ARHGAP18: variants seen among roughly 807,000 people sequenced by gnomAD.
The protein encoded by ARHGAP18 is rho GTPase-activating protein 18.
A neutral mutation model predicts 86.2 loss-of-function variants in ARHGAP18; 67 were observed. The observed-to-expected ratio is 0.78, with a 90% CI of 0.64 to 0.95. ARHGAP18 has a LOEUF of 0.95. ARHGAP18 is among the 40% of genes least tolerant of loss of function. The pLI, the probability that ARHGAP18 is intolerant of heterozygous loss-of-function variation, is 0.00. For missense variants in ARHGAP18, 691 were observed against 780.4 expected (o/e 0.89, Z 1.37); for synonymous variants, 283 against 280.4 (o/e 1.01, Z -0.09).
In ARHGAP18 at chr6:129,577,379, T is replaced by TA. The variant is rs1562672839; in HGVS notation, c.*1133dup. On this transcript the variant is annotated 3_prime_UTR_variant, in exon 15 of 15. Coordinates refer to ENST00000368149, the MANE Select transcript of ARHGAP18 (RefSeq NM_033515.3). Reference sequence around the variant, plus strand: ...TTTTATTTACTATATTCTAAACTCATAAAATATTTAACATTTCTCTACTTC... The same window carrying TA: ...TTTTATTTACTATATTCTAAACTCATAAAAATATTTAACATTTCTCTACTTC... The TA allele has an allele frequency of 1.3e-5, 2 of 152,172 alleles. No homozygotes were observed. Among genetic ancestry groups the TA allele is most frequent in the Admixed American group, 1.3e-4 (2 of 15,268 alleles). The allele number at this position is 152,172 out of a possible 1,614,324, so 9.4% of individuals were successfully genotyped here.
Position 129,584,114 on chromosome 6 carries a change from T to C in ARHGAP18, c.1714-2A>G. The C allele has an allele frequency of 1.2e-6, 2 of 1,613,396 alleles. No homozygotes were observed. The highest frequency in any genetic ancestry group is 1.7e-6 in the Non-Finnish European group (2 of 1,179,568). On this transcript the variant is annotated splice_acceptor_variant, in intron 12 of 14. Coordinates refer to ENST00000368149, the MANE Select transcript of ARHGAP18 (RefSeq NM_033515.3). LOFTEE classifies it high-confidence loss of function. Reference sequence around the variant, plus strand: ...AATCACTCCCTGAGGAACGTCAGCCTGCAAAGCAATAATGACACTGGAACA... The same window carrying C: ...AATCACTCCCTGAGGAACGTCAGCCCGCAAAGCAATAATGACACTGGAACA...
At chr6:129,583,939 G>C in intron 13 of ARHGAP18, 49 bp downstream of exon 13, 21 of 1,571,852 alleles carry the variant, frequency 1.3e-5, no homozygotes, top group Non-Finnish European at 1.6e-5. Flanking sequence ...GAGAGAGAGA[G>C]AGCAAGTGAC....
rs1251117009 is a variant in ARHGAP18, at chr6:129,641,700, G to A, written c.316+116C>T. 1.9e-5 allele frequency: 18 copies of A among 927,158 alleles called. No individual in the cohort carries two copies. The East Asian group carries it at 4.2e-4, about 22-fold the overall frequency. The allele number at this position is 927,158 out of a possible 1,614,324, so 57.4% of individuals were successfully genotyped here. ...CAAGTATTTTTCAAGTTGAAAGGCA[G>A]TATCTTTTTTTGGTGGTCCTAGCTT... On this transcript the variant is annotated intron_variant, in intron 2 of 14. Transcript: ENST00000368149.
chr6:129,637,345 G>A (rs145604655), intron 3 of ARHGAP18, among the ~76,000 whole-genome samples: 42 of 152,192 alleles, frequency 2.8e-4, no homozygotes, highest in African/African-American at 9.9e-4. Context: ...ACCACACCCA[G>A]CCTCTCAAAC....
chr6:129,578,709 C>T (rs1788229205), intron 14 of ARHGAP18, 105 bp from the exon 15 acceptor site: 3 of 919,858 alleles, frequency 3.3e-6, no homozygotes, highest in Non-Finnish European at 4.8e-6. Context: ...CTTCAAAATA[C>T]TTATTCTACT....
At chr6:129,696,140 A>T (rs1774613179) in intron 1 of ARHGAP18, among the ~76,000 whole-genome samples, 1 of 152,192 alleles carries the variant, frequency 6.6e-6, no homozygotes, top group Non-Finnish European at 1.5e-5. Context: ...AGCCTCTGGG[A>T]TGTTTTTCAC....
At chr6:129,621,762 GATA>G (rs971189577) in intron 5 of ARHGAP18, among the ~76,000 whole-genome samples, 23 of 152,044 alleles carry the variant, frequency 1.5e-4, no homozygotes, top group East Asian at 5.8e-4. Context: ...AGAAAAAAAT[GATA>G]ATAATAATTA....
At chr6:129,632,251 T>C (rs1430786845) in intron 4 of ARHGAP18, among the ~76,000 whole-genome samples, 2 of 152,214 alleles carry the variant, frequency 1.3e-5, no homozygotes, top group Non-Finnish European at 2.9e-5. Flanking sequence ...TTGGATGGCA[T>C]CACACATTCT....
chr6:129,634,343 G>T (rs886133257), intron 3 of ARHGAP18, among the ~76,000 whole-genome samples: 1 of 152,102 alleles, frequency 6.6e-6, no homozygotes, highest in African/African-American at 2.4e-5. Flanking sequence ...AAAAAGTCAC[G>T]AGTGGGTCCC....
intron 1 of ARHGAP18, among the ~76,000 whole-genome samples, chr6:129,700,723 A>G (rs950954669): frequency 1.3e-5 from 2 of 152,196 alleles, no homozygotes; most frequent in African/African-American, 4.8e-5. Flanking sequence ...TGACTCAGTC[A>G]ATCCTTAAAA....
intron 5 of ARHGAP18, among the ~76,000 whole-genome samples, chr6:129,625,381 T>C (rs1364834149): frequency 1.2e-5 from 1 of 83,684 alleles, no homozygotes; most frequent in East Asian, 3.8e-4. Context: ...ATATATTATA[T>C]ATTATATATT....
At chr6:129,638,902 C>T (rs1404944935) in intron 2 of ARHGAP18, among the ~76,000 whole-genome samples, 1 of 152,206 alleles carries the variant, frequency 6.6e-6, no homozygotes, top group Non-Finnish European at 1.5e-5. Context: ...GAGGATGATA[C>T]TGTTCCCCTT....
At position 129,608,061 on chromosome 6, in the gene ARHGAP18, CACGAAAAAA is replaced by C; in HGVS notation, c.1123-18_1123-10del. The C allele has an allele frequency of 1.4e-6, 1 of 704,478 alleles. No homozygotes were observed. Among genetic ancestry groups the C allele is most frequent in the South Asian group, 2.8e-5 (1 of 36,342 alleles). 43.6% of individuals were successfully genotyped at this position (704,478 alleles called of 1,614,324 possible). A position where few individuals can be genotyped will look rare whatever the true frequency, so the allele number is the denominator to read the frequency against. ...AGTTCTTGGCAAAGATTCTGATAGG[CACGAAAAAA>C]AAAAAAAAAAAAAAAAGAAGCAGCT... On this transcript the variant is annotated splice_polypyrimidine_tract_variant and intron_variant, in intron 8 of 14. Transcript: ENST00000368149.
chr6:129,701,349 A>G (rs564866965), intron 1 of ARHGAP18, among the ~76,000 whole-genome samples: 13 of 152,368 alleles, frequency 8.5e-5, no homozygotes, highest in Admixed American at 8.5e-4. Flanking sequence ...TCCTTTGTCC[A>G]GGAATCTCAC....
intron 12 of ARHGAP18, among the ~76,000 whole-genome samples, chr6:129,590,099 C>T (rs1465309834): frequency 6.6e-6 from 1 of 152,206 alleles, no homozygotes; most frequent in African/African-American, 2.4e-5. Context: ...AGATGGTGCC[C>T]ACCAAGCCTC....
At chr6:129,652,322 G>T (rs1562711658) in intron 1 of ARHGAP18, among the ~76,000 whole-genome samples, 1 of 152,184 alleles carries the variant, frequency 6.6e-6, no homozygotes, top group Non-Finnish European at 1.5e-5. Context: ...CAGAGGTAGT[G>T]ATCACATCTA....
intron 1 of ARHGAP18, among the ~76,000 whole-genome samples, chr6:129,704,955 G>C (rs990474461): frequency 2.0e-5 from 3 of 152,124 alleles, no homozygotes; most frequent in Admixed American, 6.5e-5. Context: ...CTGGGTGCTT[G>C]GTTTCAGACT....
At chr6:129,684,044 G>A (rs1284150562) in intron 1 of ARHGAP18, among the ~76,000 whole-genome samples, 1 of 152,180 alleles carries the variant, frequency 6.6e-6, no homozygotes, top group Non-Finnish European at 1.5e-5. Flanking sequence ...GTACAGATCT[G>A]AAAAATCTTG....
intron 7 of ARHGAP18, among the ~76,000 whole-genome samples, chr6:129,615,623 G>T (rs1319206267): frequency 6.6e-6 from 1 of 152,186 alleles, no homozygotes; most frequent in Non-Finnish European, 1.5e-5. Context: ...TCCTCACTGT[G>T]CATTCCCTAG....
Sources: allele counts gnomAD v4.1 joint callset (sites outside exome capture counted in the v4.1 genomes callset), GRCh38; gene constraint gnomAD v4.1.1; transcripts MANE v1.5; gene names NCBI Gene and HGNC (gene_info 2026-07-23, HGNC 2026-07-21).